The following HSPG2 variants were observed in gnomAD, a reference collection of about 807,000 sequenced individuals.
HSPG2 encodes the protein basement membrane-specific heparan sulfate proteoglycan core protein.
A neutral mutation model predicts 526.6 loss-of-function variants in HSPG2; 278 were observed. The observed-to-expected ratio is 0.53, with a 90% CI of 0.48 to 0.58. The LOEUF (loss-of-function observed/expected upper bound fraction) is 0.58, where lower values mean the gene tolerates loss of function less well. Ranked by LOEUF, HSPG2 falls within the 20% of genes least tolerant of loss-of-function variation. The probability of loss-of-function intolerance (pLI) is 0.00; values close to 1 mark genes in which losing one functional copy is unlikely to be tolerated. For synonymous variants in HSPG2, 2,465 were observed against 2,555.4 expected (o/e 0.96, Z 1.07); for missense variants, 5,354 against 6,099.5 (o/e 0.88, Z 4.07).
chr1:21,825,015 G>A (rs1572131862), intron 91 of HSPG2: 1 of 568,346 alleles, frequency 1.8e-6, no homozygotes, highest in East Asian at 3.0e-5. Flanking sequence ...TTCTTTCAAT[G>A]AGATGTAGGC....
At chr1:21,917,531 G>A (rs983272837) in intron 1 of HSPG2, among the ~76,000 whole-genome samples, 1 of 152,126 alleles carries the variant, frequency 6.6e-6, no homozygotes, top group African/African-American at 2.4e-5. Context: ...CCAGTTGGTC[G>A]AGAAGCCATG....
intron 33 of HSPG2, among the ~76,000 whole-genome samples, chr1:21,869,159 C>T (rs1401330073): frequency 6.6e-6 from 1 of 152,188 alleles, no homozygotes; most frequent in Non-Finnish European, 1.5e-5. Context: ...TTCCCAATCC[C>T]GGCCCAGGTC....
rs376316001 is a variant in HSPG2 at position 21,880,756 on chromosome 1, G to A, written c.1898C>T (p.Pro633Leu). Reference protein sequence around the residue: ...ARGMLEPVQRPDVVLMGAGYR... With the variant: ...ARGMLEPVQRLDVVLMGAGYR... ...CCCGGCACCCATGAGGACCACGTCC[G>A]GCCGCTGCACTGGCTCCAGCATGCC... Residue 633 changes from proline (P) to leucine (L), a missense_variant, in exon 15 of 97, where the codon CCG becomes CTG. Physicochemically the swap from Pro to Leu is moderately conservative, Grantham distance 98. Coordinates refer to ENST00000374695, the MANE Select transcript of HSPG2 (RefSeq NM_005529.7). 8 of 1,599,590 alleles carry A rather than the reference G, an allele frequency of 5.0e-6. No homozygotes were observed. Among genetic ancestry groups the A allele is most frequent in the African/African-American group, 1.3e-5 (1 of 74,722 alleles).
intron 1 of HSPG2, among the ~76,000 whole-genome samples, chr1:21,906,593 G>A (rs1413476954): frequency 1.3e-5 from 2 of 152,112 alleles, no homozygotes; most frequent in African/African-American, 4.8e-5. Flanking sequence ...CTTTCTTCAT[G>A]TCCTTTCCTG....
intron 28 of HSPG2, among the ~76,000 whole-genome samples, 194 bp downstream of exon 28, chr1:21,874,212 G>T (rs1037611207): frequency 2.0e-5 from 3 of 152,214 alleles, no homozygotes; most frequent in Non-Finnish European, 4.4e-5. Context: ...GCTGAGGAGG[G>T]TGGACTACCC....
chr1:21,829,100 G>C (rs1272268690), intron 87 of HSPG2, 21 bp from the exon 88 acceptor site: 2 of 1,531,478 alleles, frequency 1.3e-6, no homozygotes, highest in South Asian at 1.2e-5. Flanking sequence ...TGCCAGGCAG[G>C]GTTGGGCACA....
chr1:21,879,260 A>G, intron 17 of HSPG2, 139 bp from the exon 18 acceptor site: 1 of 917,786 alleles, frequency 1.1e-6, no homozygotes, highest in Non-Finnish European at 1.7e-6. Context: ...CATCAACTGC[A>G]ACCACTTATA....
chr1:21,849,237 C>A (rs902731643), intron 57 of HSPG2, among the ~76,000 whole-genome samples: 4 of 152,238 alleles, frequency 2.6e-5, no homozygotes, highest in African/African-American at 9.6e-5. Flanking sequence ...ATGCCAGGGA[C>A]GACTGAGACT....
chr1:21,849,019 T>A lies in HSPG2; in HGVS notation c.7459A>T (p.Arg2487Trp), dbSNP rs1638677836. Residue 2487 changes from arginine (R) to tryptophan (W), a missense_variant, in exon 58 of 97, where the codon AGG becomes TGG. Transcript: ENST00000374695. Reference sequence around the variant, plus strand: ...GGGGTCACCTGGAGCAGGCGTAGCCTCGAGCCATGCACCTGGGAGGGTCAG... The same window carrying A: ...GGGGTCACCTGGAGCAGGCGTAGCCACGAGCCATGCACCTGGGAGGGTCAG... ...LPARHQVHGS[R>W]LRLLQVTPAD... 1.2e-6 allele frequency: 2 copies of A among 1,613,752 alleles called. No homozygotes were observed. Among genetic ancestry groups the A allele is most frequent in the Non-Finnish European group, 1.7e-6 (2 of 1,180,004 alleles).
At chr1:21,841,415 G>A (rs1370442437) in intron 70 of HSPG2, 124 bp downstream of exon 70, 1 of 1,559,592 alleles carries the variant, frequency 6.4e-7, no homozygotes, top group Non-Finnish European at 8.8e-7. Context: ...GGAAACTGAG[G>A]CTCAGAGAGG....
At position 21,874,926 on chromosome 1, in the gene HSPG2, A is replaced by G. The variant is rs775780053; in HGVS notation, c.3379T>C (p.Ser1127Pro). The change falls in exon 26 of 97, where the codon TCC (serine) becomes CCC (proline). Residue 1127 changes from serine (S) to proline (P), a missense_variant. Physicochemically the swap from Ser to Pro is moderately conservative, Grantham distance 74. Coordinates refer to ENST00000374695, the MANE Select transcript of HSPG2 (RefSeq NM_005529.7). ...QDPALEVEQC[S>P]CPPGYRGPSC... ...GGCCCACGGTACCCGGGTGGGCAGG[A>G]GCACTGTTCCACTTCCAGCGCGGGG... 1 of 1,613,052 alleles carries G rather than the reference A, an allele frequency of 6.2e-7. No individual in the cohort carries two copies. Among genetic ancestry groups the G allele is most frequent in the South Asian group, 1.1e-5 (1 of 90,854 alleles).
In HSPG2 at chr1:21,831,727, G is replaced by T; in HGVS notation, c.11277C>A (p.Thr3759=). ...PTPLALGHFH[T]VTLLRSLTQG... ...GGGTGAGGCTGCGCAGCAGGGTCAC[G>T]GTGTGGAAATGGCCCAGGGCCAGTG... The change falls in exon 82 of 97, where the codon ACC becomes ACA. Residue 3759 remains threonine (T), a synonymous_variant. Transcript: ENST00000374695. 6.2e-7 allele frequency: 1 copy of T among 1,606,564 alleles called. No individual in the cohort carries two copies.
intron 1 of HSPG2, among the ~76,000 whole-genome samples, chr1:21,925,996 A>G (rs1644180658): frequency 6.6e-6 from 1 of 151,776 alleles, no homozygotes; most frequent in African/African-American, 2.4e-5. Context: ...CGCCCGGCTA[A>G]TTTTTGTATT....
At chr1:21,873,549 C>T in intron 29 of HSPG2, 125 bp from the exon 30 acceptor site, 2 of 998,386 alleles carry the variant, frequency 2.0e-6, no homozygotes, top group South Asian at 2.6e-5. Context: ...GCCTGACTCG[C>T]CCATGTTACG....
At chr1:21,912,623 C>A (rs909898919) in intron 1 of HSPG2, among the ~76,000 whole-genome samples, 1 of 152,178 alleles carries the variant, frequency 6.6e-6, no homozygotes. Flanking sequence ...ACACTTCCGG[C>A]TGCTGGGGAA....
In HSPG2 at chr1:21,865,750, G is replaced by T. The variant is rs1210048493; in HGVS notation, c.4281C>A (p.Gly1427=). 9 of 1,613,790 alleles carry T rather than the reference G, an allele frequency of 5.6e-6. No individual in the cohort carries two copies. Among genetic ancestry groups the T allele is most frequent in the Non-Finnish European group, 5.1e-6 (6 of 1,179,978 alleles). Residue 1427 remains glycine, a synonymous_variant, in exon 34 of 97, where the codon GGC becomes GGA. Transcript: ENST00000374695. The surrounding 1 kb of genome is among the most constrained non-coding windows in gnomAD (Gnocchi z 5.4). ...YTLSYTAGPQ[G]SPLSDPDVQI... ...GCACATCGGGGTCAGAGAGTGGGCT[G>T]CCCTGTGGGCCTGCTGTGTAGGAGA...
rs62642529 is a variant in HSPG2, at chr1:21,878,454, C to T, written c.2596G>A (p.Gly866Ser). 1,205 of 1,608,314 alleles carry T rather than the reference C, an allele frequency of 7.5e-4. 10 individuals are homozygous for T. The African/African-American group carries it at 0.013, about 18-fold the overall frequency. Residue 866 changes from glycine to serine, a missense_variant, in exon 20 of 97, where the codon GGC (glycine) becomes AGC (serine). Gly to Ser is a moderately conservative substitution (Grantham distance 56). Transcript: ENST00000374695. ...PGYEGNPIQPGGKCRPVNQEI... is the reference protein window; with the variant it reads ...PGYEGNPIQPSGKCRPVNQEI... ...TCACTGACGGGCCTGCACTTCCCGC[C>T]GGGCTGGATGGGGTTGCCCTCGTAT...
At chr1:21,928,757 T>TA (rs1034550026) in intron 1 of HSPG2, among the ~76,000 whole-genome samples, 1 of 149,390 alleles carries the variant, frequency 6.7e-6, no homozygotes, top group African/African-American at 2.5e-5. Flanking sequence ...TCACTTGATT[T>TA]TTTTTTTTTG....
Position 21,872,431 on chromosome 1 carries a change from G to A in HSPG2, c.4030-54C>T. ...GCCTGAGCACCGGGGTGCCTTGGTG[G>A]GGGATGGGGCACGGGAGGGTGTTAA... On this transcript the variant is annotated intron_variant, in intron 32 of 96. Transcript: ENST00000374695. The surrounding 1 kb of genome is among the most constrained non-coding windows in gnomAD (Gnocchi z 5.5). The A allele has an allele frequency of 6.7e-7, 1 of 1,496,246 alleles. No homozygotes were observed. Among genetic ancestry groups the A allele is most frequent in the Non-Finnish European group, 9.1e-7 (1 of 1,104,480 alleles). 92.7% of individuals were successfully genotyped at this position (1,496,246 alleles called of 1,614,324 possible).
Sources: gnomAD v4.1 joint callset for allele counts (sites outside exome capture counted in the v4.1 genomes callset) on GRCh38, gnomAD v4.1.1 for gene constraint, Gnocchi (gnomAD v3.1) non-coding constraint, MANE v1.5 for transcripts, NCBI Gene and HGNC (gene_info 2026-07-23, HGNC 2026-07-21) for gene names.